Variants in ZNF3 observed in about 807,000 individuals in gnomAD.
ZNF3 encodes C2-H2 type zinc finger protein.
A neutral mutation model predicts 36.9 loss-of-function variants in ZNF3; 16 were observed. The observed-to-expected ratio is 0.43, with a 90% confidence interval of 0.29 to 0.66. ZNF3 has a LOEUF of 0.66. Among genes scored for constraint, ZNF3 ranks in the 30% least tolerant of loss-of-function variants. The pLI is 0.13. For missense variants in ZNF3, 462 were observed against 543.1 expected (o/e 0.85, Z 1.48); for synonymous variants, 201 against 201.9 (o/e 1.00, Z 0.04).
rs1275981459 is a variant in ZNF3, at chr7:100,081,611, A to G, written c.-198+24T>C. 6.5e-6 allele frequency: 1 copy of G among 152,722 alleles called. No homozygotes were observed. Among genetic ancestry groups the G allele is most frequent in the Non-Finnish European group, 1.5e-5 (1 of 68,482 alleles). The allele number at this position is 152,722 out of a possible 1,614,324, so 9.5% of individuals were successfully genotyped here. The stretch of plus-strand genomic sequence containing the variant: ...CGACCACAGCCTCCGTCTCACCGCG[A>G]GACCCGGGGACGCGTGGACTCACCC... On this transcript the variant is annotated intron_variant, in intron 1 of 5. Transcript: ENST00000299667. The surrounding 1 kb of genome is among the most constrained non-coding windows in gnomAD (Gnocchi z 4.3).
chr7:100,071,642 T>TC lies in ZNF3; in HGVS notation c.841dup (p.Glu281GlyfsTer5). 6.2e-7 allele frequency: 1 copy of TC among 1,613,940 alleles called. No individual in the cohort carries two copies. Among genetic ancestry groups the TC allele is most frequent in the South Asian group, 1.1e-5 (1 of 91,060 alleles). On this transcript the variant is annotated frameshift_variant, in exon 6 of 6. Transcript: ENST00000299667. LOFTEE classifies it high-confidence loss of function. Reference sequence around the variant, plus strand: ...ACACTCATTACATTCATAGGGTTTCTCCCCCGTGTGGATCCTCCGATGCAG... The same window carrying TC: ...ACACTCATTACATTCATAGGGTTTCTCCCCCCGTGTGGATCCTCCGATGCAG...
chr7:100,064,350 G>C (rs1412720160), exon 6 of ZNF3: 1 of 1,614,192 alleles, frequency 6.2e-7, no homozygotes, highest in East Asian at 2.2e-5. Flanking sequence ...ACACTGGGGA[G>C]AAGCCTTATC....
At chr7:100,064,908 C>A in exon 6 of ZNF3, 1 of 1,613,724 alleles carries the variant, frequency 6.2e-7, no homozygotes, top group South Asian at 1.1e-5. Context: ...AGACGTGTAT[C>A]CAGTCTAGTT....
At position 100,072,161 on chromosome 7, in the gene ZNF3, G is replaced by C; in HGVS notation, c.323C>G (p.Ser108Ter). Residue 108 changes from serine (S) to a stop codon, truncating the protein, a stop_gained, in exon 6 of 6, where the codon TCA (serine) becomes TGA (stop). Coordinates refer to ENST00000299667, the MANE Select transcript of ZNF3 (RefSeq NM_032924.5). LOFTEE classifies it high-confidence loss of function. ...NDQEISEDTRSHGVLLGRFQK... is the reference protein window; with the variant it reads ...NDQEISEDTR Reference sequence around the variant, plus strand: ...AAATCTTCCCAGTAGGACCCCATGTGATCTTGTGTCTTCAGAAATTTCTTG... The same window carrying C: ...AAATCTTCCCAGTAGGACCCCATGTCATCTTGTGTCTTCAGAAATTTCTTG... 6.2e-7 allele frequency: 1 copy of C among 1,602,144 alleles called. No homozygotes were observed. Among genetic ancestry groups the C allele is most frequent in the Non-Finnish European group, 8.5e-7 (1 of 1,176,908 alleles).
downstream of ZNF3, chr7:100,065,105 C>G: frequency 1.1e-6 from 1 of 872,112 alleles, no homozygotes; most frequent in Non-Finnish European, 1.7e-6. Flanking sequence ...ATGGAGAAAA[C>G]TATTCCTACT....
At position 100,072,089 on chromosome 7, in the gene ZNF3, C is replaced by T. The variant is rs146443870; in HGVS notation, c.395G>A (p.Arg132Gln). Residue 132 changes from arginine (R) to glutamine (Q), a missense_variant, in exon 6 of 6, where the codon CGA (arginine) becomes CAA (glutamine). Physicochemically the swap from Arg to Gln is conservative, Grantham distance 43 (BLOSUM62 1). Transcript: ENST00000299667. ...CAGCGGCCTTTTCAGACTGACTTCT[C>T]GTTCATAGGCTTCTTTAAACTTGAG... ...QGLKFKEAYE[R>Q]EVSLKRPLGN... 54 of 1,614,192 alleles carry T rather than the reference C, an allele frequency of 3.3e-5. No homozygotes were observed. In the African/African-American group the frequency reaches 3.9e-4, roughly 12 times the overall value.
intron 5 of ZNF3, 107 bp downstream of exon 5, chr7:100,075,026 CAA>C: frequency 8.0e-7 from 1 of 1,253,342 alleles, no homozygotes; most frequent in Non-Finnish European, 1.1e-6. Context: ...CATTGCACCT[CAA>C]AAAAAAAATC....
chr7:100,063,838 T>A (rs780390820), downstream of ZNF3: 1 of 1,613,840 alleles, frequency 6.2e-7, no homozygotes, highest in East Asian at 2.2e-5. Context: ...GCAGAAAGGT[T>A]CTGAAGCAGA....
At chr7:100,072,784 T>C (rs1793419896) in intron 5 of ZNF3, among the ~76,000 whole-genome samples, 1 of 152,198 alleles carries the variant, frequency 6.6e-6, no homozygotes, top group African/African-American at 2.4e-5. Context: ...CTCTGGGCCC[T>C]ATGCATAAAA....
intron 2 of ZNF3, 188 bp from the exon 3 acceptor site, chr7:100,077,621 A>G (rs1291735960): frequency 2.8e-6 from 1 of 361,570 alleles, no homozygotes; most frequent in African/African-American, 2.1e-5. Flanking sequence ...GGGTCTCGCT[A>G]TATTGCCCAG....
At chr7:100,076,752 G>A (rs996688040) in intron 3 of ZNF3, among the ~76,000 whole-genome samples, 11 of 152,094 alleles carry the variant, frequency 7.2e-5, no homozygotes, top group East Asian at 1.9e-4. Flanking sequence ...TGATTGACAC[G>A]GTTTCATTAA....
rs1281694609 is a variant in ZNF3, at chr7:100,070,773, CTGCTGTCTG to C, written c.*361_*369del. 27 of 1,028,014 alleles carry C rather than the reference CTGCTGTCTG, an allele frequency of 2.6e-5. No individual in the cohort carries two copies. Among genetic ancestry groups the C allele is most frequent in the Non-Finnish European group, 2.9e-5 (25 of 855,440 alleles). 63.7% of individuals were successfully genotyped at this position (1,028,014 alleles called of 1,614,324 possible). A position where few individuals can be genotyped will look rare whatever the true frequency, so the allele number is the denominator to read the frequency against. On this transcript the variant is annotated 3_prime_UTR_variant, in exon 6 of 6. Transcript: ENST00000299667. ...AACAGGACCCAGAGCGTCCTTTCCA[CTGCTGTCTG>C]TGCTGACTACGCGGACTCCAACTAA... is the stretch of plus-strand genomic sequence containing the variant.
intron 3 of ZNF3, among the ~76,000 whole-genome samples, chr7:100,076,497 T>C (rs965323295): frequency 6.6e-6 from 1 of 151,888 alleles, no homozygotes; most frequent in African/African-American, 2.4e-5. Context: ...TTTCACTGTG[T>C]TGGCCAAGAT....
At chr7:100,065,760 C>G (rs146488000), downstream of ZNF3, among the ~76,000 whole-genome samples, 2 of 151,370 alleles carry the variant, frequency 1.3e-5, no homozygotes, top group East Asian at 1.9e-4. Flanking sequence ...TGCTGGGCAT[C>G]TGTCCCCCTG....
intron 5 of ZNF3, among the ~76,000 whole-genome samples, chr7:100,072,917 T>C (rs544948403): frequency 6.6e-6 from 1 of 152,228 alleles, no homozygotes. Context: ...TCCAGAGAGT[T>C]TGCGTTTTTA....
chr7:100,072,370 C>T (rs1269637411), intron 5 of ZNF3, among the ~76,000 whole-genome samples, 158 bp from the exon 6 acceptor site: 1 of 152,114 alleles, frequency 6.6e-6, no homozygotes, highest in Non-Finnish European at 1.5e-5. Flanking sequence ...AATGAGACAG[C>T]CGGGCTAAGG....
chr7:100,077,400 C>A lies in ZNF3; in HGVS notation c.-43G>T, dbSNP rs764433967. The stretch of plus-strand genomic sequence containing the variant: ...TCTGGTCTCCTGGGTGCAGACTCAG[C>A]GGGAAGCGGGTTTTAAAAGAGAATG... On this transcript the variant is annotated 5_prime_UTR_variant, in exon 3 of 6. Transcript: ENST00000299667. The A allele has an allele frequency of 6.2e-7, 1 of 1,612,128 alleles. No individual in the cohort carries two copies. Among genetic ancestry groups the A allele is most frequent in the Admixed American group, 1.7e-5 (1 of 59,660 alleles).
intron 4 of ZNF3, 58 bp from the exon 5 acceptor site, chr7:100,075,319 A>C (rs1017883613): frequency 2.5e-6 from 4 of 1,602,784 alleles, no homozygotes; most frequent in Admixed American, 1.7e-5. Context: ...TGGCGGCACC[A>C]AAAAAATCAC....
intron 2 of ZNF3, among the ~76,000 whole-genome samples, chr7:100,078,513 A>C (rs1347154455): frequency 1.3e-5 from 2 of 151,340 alleles, no homozygotes; most frequent in African/African-American, 4.9e-5. Flanking sequence ...AAAAAAAAGA[A>C]AAAGAAAAGA....
Sources: allele counts gnomAD v4.1 joint callset (sites outside exome capture counted in the v4.1 genomes callset), GRCh38; gene constraint gnomAD v4.1.1; non-coding constraint Gnocchi (gnomAD v3.1); transcripts MANE v1.5; gene names NCBI Gene and HGNC (gene_info 2026-07-23, HGNC 2026-07-21).